The following ACTN1 variants were observed in gnomAD, a reference collection of about 807,000 sequenced individuals.
ACTN1 encodes alpha-actinin-1.
ACTN1 carries 30 observed loss-of-function variants against 119.6 expected under a neutral mutation model. The observed-to-expected ratio is 0.25, with a 90% CI of 0.19 to 0.34. The LOEUF is 0.34. Among genes scored for constraint, ACTN1 ranks in the 10% least tolerant of loss-of-function variants. The pLI is 1.00. For missense variants in ACTN1, 764 were observed against 1,223.4 expected (o/e 0.62, Z 5.60); for synonymous variants, 429 against 472.6 (o/e 0.91, Z 1.20).
chr14:68,905,301 G>A (rs8009211), intron 6 of ACTN1, among the ~76,000 whole-genome samples: 5,105 of 152,288 alleles, frequency 0.034, 126 homozygotes, highest in Middle Eastern at 0.088. Flanking sequence ...CACTTAGCGG[G>A]GCTTGGCAAG....
intron 1 of ACTN1, among the ~76,000 whole-genome samples, chr14:68,943,312 A>G (rs188507555): frequency 1.1e-4 from 17 of 152,332 alleles, no homozygotes; most frequent in Non-Finnish European, 2.4e-4. Flanking sequence ...GGGCAGCTGC[A>G]AGCAGATCTG....
chr14:68,953,274 C>T (rs968689421), intron 1 of ACTN1, among the ~76,000 whole-genome samples: 6 of 152,178 alleles, frequency 3.9e-5, no homozygotes, highest in African/African-American at 1.4e-4. Flanking sequence ...GGTTGTTTCC[C>T]TGTCCTGAAA....
chr14:68,947,199 T>C (rs2035971905), intron 1 of ACTN1, among the ~76,000 whole-genome samples: 1 of 152,236 alleles, frequency 6.6e-6, no homozygotes, highest in South Asian at 2.1e-4. Context: ...AAGTAACAAG[T>C]ACTCCATGTG....
intron 1 of ACTN1, among the ~76,000 whole-genome samples, chr14:68,955,422 C>T (rs1252845291): frequency 2.0e-5 from 3 of 152,172 alleles, no homozygotes; most frequent in Middle Eastern, 3.2e-3. Flanking sequence ...CCTACTGTCA[C>T]GCGGTTTGAA....
chr14:68,943,439 G>A (rs908747786), intron 1 of ACTN1, among the ~76,000 whole-genome samples: 1 of 152,164 alleles, frequency 6.6e-6, no homozygotes, highest in African/African-American at 2.4e-5. Context: ...AGAGATCCAC[G>A]CCTGCTGTTG....
At chr14:68,904,339 GACA>G (rs1460302576) in intron 7 of ACTN1, among the ~76,000 whole-genome samples, 1 of 152,092 alleles carries the variant, frequency 6.6e-6, no homozygotes, top group African/African-American at 2.4e-5. Context: ...AACTGTGCCG[GACA>G]ACAAGGGCAC....
At chr14:68,958,343 C>T (rs1284824679) in intron 1 of ACTN1, among the ~76,000 whole-genome samples, 1 of 152,134 alleles carries the variant, frequency 6.6e-6, no homozygotes. Context: ...CTGTCCGAGG[C>T]TCAAACCCCT....
chr14:68,877,048 AC>A (rs2030980922), intron 21 of ACTN1, 33 bp downstream of exon 21: 1 of 1,610,166 alleles, frequency 6.2e-7, no homozygotes. Flanking sequence ...AGTGCCTGCC[AC>A]CCCAGCACAG....
chr14:68,890,116 G>A, intron 11 of ACTN1, 23 bp downstream of exon 11: 3 of 1,602,182 alleles, frequency 1.9e-6, no homozygotes, highest in Non-Finnish European at 2.6e-6. Flanking sequence ...CTGGGGGGAG[G>A]CAGGAGGCTG....
At chr14:68,962,607 G>A (rs547421558) in intron 1 of ACTN1, among the ~76,000 whole-genome samples, 3 of 152,246 alleles carry the variant, frequency 2.0e-5, no homozygotes, top group East Asian at 1.9e-4. Context: ...TGAAACTCTC[G>A]CCCAACCATG....
At chr14:68,920,925 G>A (rs2034609755) in intron 3 of ACTN1, 81 bp downstream of exon 3, 2 of 1,569,322 alleles carry the variant, frequency 1.3e-6, no homozygotes, top group Middle Eastern at 3.5e-4. Context: ...CATGGGCCCA[G>A]GAGGCAGCAC....
chr14:68,895,546 G>T (rs1228917472), intron 8 of ACTN1, among the ~76,000 whole-genome samples: 1 of 152,182 alleles, frequency 6.6e-6, no homozygotes, highest in African/African-American at 2.4e-5. Context: ...GGGCTGCAGA[G>T]AGACCCGCGT....
intron 8 of ACTN1, among the ~76,000 whole-genome samples, chr14:68,894,919 G>A (rs1443087959): frequency 6.6e-6 from 1 of 152,138 alleles, no homozygotes; most frequent in African/African-American, 2.4e-5. Context: ...GCTTAGAATT[G>A]GAAGGAATGA....
intron 1 of ACTN1, among the ~76,000 whole-genome samples, chr14:68,969,514 G>A (rs1026612231): frequency 1.3e-5 from 2 of 152,256 alleles, no homozygotes; most frequent in African/African-American, 4.8e-5. Flanking sequence ...GAGGATGTCT[G>A]CGGAGTTTAA....
At chr14:68,953,494 G>A (rs548772283) in intron 1 of ACTN1, among the ~76,000 whole-genome samples, 6 of 152,264 alleles carry the variant, frequency 3.9e-5, no homozygotes, top group South Asian at 4.1e-4. Flanking sequence ...TACACTGTGC[G>A]TACTCCGCAG....
intron 11 of ACTN1, chr14:68,886,993 T>C (rs949803888): frequency 6.5e-6 from 1 of 153,048 alleles, no homozygotes; most frequent in Non-Finnish European, 1.5e-5. Flanking sequence ...ATTTTAATAA[T>C]TGAGATTTTA....
intron 8 of ACTN1, among the ~76,000 whole-genome samples, chr14:68,899,125 C>T (rs1422812643): frequency 6.8e-6 from 1 of 147,122 alleles, no homozygotes; most frequent in African/African-American, 2.5e-5. Context: ...ACCACAACCA[C>T]ACCACACCCA....
At chr14:68,895,800 G>A (rs1304347441) in intron 8 of ACTN1, among the ~76,000 whole-genome samples, 2 of 152,140 alleles carry the variant, frequency 1.3e-5, no homozygotes, top group African/African-American at 4.8e-5. Flanking sequence ...CTGCATTTGT[G>A]GGATTTTACA....
At chr14:68,939,750 A>T (rs1320212887) in intron 1 of ACTN1, among the ~76,000 whole-genome samples, 1 of 152,220 alleles carries the variant, frequency 6.6e-6, no homozygotes, top group East Asian at 1.9e-4. Context: ...AAAACCATGA[A>T]GTTGTATAAA....
Sources: allele counts gnomAD v4.1 joint callset (sites outside exome capture counted in the v4.1 genomes callset), GRCh38; gene constraint gnomAD v4.1.1; transcripts MANE v1.5; gene names NCBI Gene and HGNC (gene_info 2026-07-23, HGNC 2026-07-21).